Variants in PARP8 observed in about 807,000 individuals in gnomAD.
PARP8 encodes the protein protein mono-ADP-ribosyltransferase PARP8.
In PARP8, 51 loss-of-function variants were observed where a neutral mutation model predicts 124.1. The ratio of observed to expected loss-of-function variants is 0.41; its 90% CI spans 0.33 to 0.52. The LOEUF is 0.52. Ranked by LOEUF, PARP8 falls within the 20% of genes least tolerant of loss-of-function variation. PARP8 has a pLI of 0.21. For missense variants in PARP8, 860 were observed against 1,018.9 expected (o/e 0.84, Z 2.12); for synonymous variants, 391 against 361.5 (o/e 1.08, Z -0.93).
At chr5:50,668,342 A>T (rs1282638869) in intron 2 of PARP8, 1 of 580,794 alleles carries the variant, frequency 1.7e-6, no homozygotes, top group Non-Finnish European at 3.1e-6. Context: ...CGCCACAGGC[A>T]ATGAGCAGAA....
chr5:50,717,719 A>G (rs958480361), intron 2 of PARP8, among the ~76,000 whole-genome samples: 5 of 151,996 alleles, frequency 3.3e-5, no homozygotes, highest in Non-Finnish European at 7.4e-5. Context: ...TCATGGTGTC[A>G]TAGAAGCCAA....
chr5:50,797,271 A>G, intron 14 of PARP8, 38 bp downstream of exon 14: 1 of 1,288,874 alleles, frequency 7.8e-7, no homozygotes, highest in Admixed American at 2.4e-5. Context: ...GTTGGTTTAG[A>G]ATATAGAAAT....
chr5:50,813,870 T>C (rs1744779593), intron 14 of PARP8, among the ~76,000 whole-genome samples: 1 of 152,122 alleles, frequency 6.6e-6, no homozygotes, highest in African/African-American at 2.4e-5. Context: ...CGTATTTAGA[T>C]GTTCACAAAG....
chr5:50,717,069 T>C (rs1561283051), intron 2 of PARP8, among the ~76,000 whole-genome samples: 1 of 152,078 alleles, frequency 6.6e-6, no homozygotes, highest in Non-Finnish European at 1.5e-5. Context: ...TTATTCTAAC[T>C]ATGAAGGAAG....
rs1184101955 is a variant in PARP8, at chr5:50,784,573, T to C, written c.671-3950T>C. On this transcript the variant is annotated intron_variant, in intron 9 of 25. Transcript: ENST00000281631. ...TCAGTGCATTAGAATAATTTCCACA[T>C]ATCTTGGGCAGCCCTCACTTCCCAA... Among the ~76,000 whole-genome samples, 3 of 152,148 alleles carry C rather than the reference T, an allele frequency of 2.0e-5. No individual in the cohort carries two copies. In the South Asian group the frequency reaches 6.2e-4, roughly 31 times the overall value.
intron 2 of PARP8, among the ~76,000 whole-genome samples, chr5:50,686,245 G>T (rs530879150): frequency 6.6e-6 from 1 of 152,330 alleles, no homozygotes; most frequent in Admixed American, 6.5e-5. Context: ...AGGGGCTACA[G>T]GCCCCCTGCA....
intron 2 of PARP8, among the ~76,000 whole-genome samples, chr5:50,727,576 T>C (rs1410126213): frequency 6.6e-6 from 1 of 152,150 alleles, no homozygotes; most frequent in African/African-American, 2.4e-5. Context: ...TGTGTGAATG[T>C]CAGTTATGGT....
At chr5:50,833,867 T>C (rs1178329158) in intron 23 of PARP8, 112 bp from the exon 24 acceptor site, 1 of 644,176 alleles carries the variant, frequency 1.6e-6, no homozygotes, top group Non-Finnish European at 2.6e-6. Context: ...TAGATAGGCT[T>C]TTTTTTTTTG....
rs1748513457 is a variant in PARP8 at position 50,845,028 on chromosome 5, A to G, written c.*2960A>G. ...TGAAGTTTAATTTTAAAAGTGCCAC[A>G]TTGTAAAAGTTACCGTTAAATACTA... On this transcript the variant is annotated 3_prime_UTR_variant, in exon 26 of 26. Coordinates refer to ENST00000281631, the MANE Select transcript of PARP8 (RefSeq NM_024615.4). 6.6e-6 allele frequency: 1 copy of G among 151,280 alleles called. No homozygotes were observed. Among genetic ancestry groups the G allele is most frequent in the Non-Finnish European group, 1.5e-5 (1 of 67,664 alleles). 9.4% of individuals were successfully genotyped at this position (151,280 alleles called of 1,614,324 possible). A position where few individuals can be genotyped will look rare whatever the true frequency, so the allele number is the denominator to read the frequency against.
intron 2 of PARP8, among the ~76,000 whole-genome samples, chr5:50,675,335 G>C (rs146796501): frequency 6.6e-6 from 1 of 152,022 alleles, no homozygotes; most frequent in African/African-American, 2.4e-5. Flanking sequence ...TGGAGTTTTC[G>C]CTCTTGTTGC....
At chr5:50,778,405 G>A (rs2070268346) in intron 8 of PARP8, among the ~76,000 whole-genome samples, 155 bp from the exon 9 acceptor site, 1 of 151,850 alleles carries the variant, frequency 6.6e-6, no homozygotes, top group African/African-American at 2.4e-5. Flanking sequence ...TACATAGAAG[G>A]CCAATATTTT....
intron 2 of PARP8, among the ~76,000 whole-genome samples, chr5:50,687,007 A>G (rs1270152142): frequency 2.0e-5 from 3 of 152,180 alleles, no homozygotes; most frequent in Non-Finnish European, 2.9e-5. Flanking sequence ...TTCGGCTTCT[A>G]GTTACTTATG....
intron 9 of PARP8, among the ~76,000 whole-genome samples, chr5:50,783,748 A>G (rs558436118): frequency 6.6e-6 from 1 of 152,334 alleles, no homozygotes; most frequent in South Asian, 2.1e-4. Flanking sequence ...CTGAGAGCAC[A>G]TACTCATCTT....
chr5:50,756,691 A>C (rs193269031), intron 3 of PARP8, among the ~76,000 whole-genome samples: 31 of 152,288 alleles, frequency 2.0e-4, no homozygotes, highest in Admixed American at 1.2e-3. Context: ...GATTTGATAT[A>C]TGTATACATG....
chr5:50,740,142 G>A (rs1385153863), intron 2 of PARP8, among the ~76,000 whole-genome samples: 2 of 152,138 alleles, frequency 1.3e-5, no homozygotes, highest in Non-Finnish European at 2.9e-5. Flanking sequence ...GAAATACAAT[G>A]GGAAGAAAAC....
In PARP8 at chr5:50,811,809, A is replaced by G. The variant is rs190371011; in HGVS notation, c.1576-3623A>G. ...TGTGTCCAAGTGTTCTCATTGTTCA[A>G]TTCCCACCTATGAGTGAGAACACGC... On this transcript the variant is annotated intron_variant, in intron 14 of 25. Coordinates refer to ENST00000281631, the MANE Select transcript of PARP8 (RefSeq NM_024615.4). Among the ~76,000 whole-genome samples the G allele has an allele frequency of 5.6e-3, 850 of 152,180 alleles. 6 individuals carry two copies. The highest frequency in any genetic ancestry group is 0.019 in the African/African-American group (793 of 41,518).
chr5:50,827,024 A>G (rs1314651527), intron 19 of PARP8, among the ~76,000 whole-genome samples: 1 of 152,142 alleles, frequency 6.6e-6, no homozygotes, highest in Non-Finnish European at 1.5e-5. Flanking sequence ...TTTTTAAGTG[A>G]ATAAAAACAT....
intron 7 of PARP8, among the ~76,000 whole-genome samples, chr5:50,768,551 T>A (rs950452217): frequency 2.0e-5 from 3 of 152,150 alleles, no homozygotes; most frequent in African/African-American, 7.2e-5. Context: ...ATTAAAAAAA[T>A]TTGAATTCAT....
chr5:50,725,166 A>G (rs1434198635), intron 2 of PARP8, among the ~76,000 whole-genome samples: 4 of 151,416 alleles, frequency 2.6e-5, no homozygotes, highest in Admixed American at 6.6e-5. Flanking sequence ...ATATATATAT[A>G]AAACATGTTC....
Sources: allele counts gnomAD v4.1 joint callset (sites outside exome capture counted in the v4.1 genomes callset), GRCh38; gene constraint gnomAD v4.1.1; transcripts MANE v1.5; gene names NCBI Gene and HGNC (gene_info 2026-07-23, HGNC 2026-07-21).